TPH2: variants seen among roughly 807,000 people sequenced by gnomAD.
The protein encoded by TPH2 is tryptophan hydroxylase 2, also known as tryptophan 5-hydroxylase 2.
In TPH2, 27 loss-of-function variants were observed where a neutral mutation model predicts 59.1. The observed-to-expected ratio is 0.46, with a 90% CI of 0.34 to 0.63. The LOEUF is 0.63. TPH2 is among the 30% of genes least tolerant of loss of function. The probability of loss-of-function intolerance (pLI) is 0.01; values close to 1 mark genes in which losing one functional copy is unlikely to be tolerated. For missense variants in TPH2, 523 were observed against 588.3 expected (o/e 0.89, Z 1.15); for synonymous variants, 220 against 210.5 (o/e 1.05, Z -0.39).
chr12:71,939,045 T>C lies in TPH2; in HGVS notation c.59T>C (p.Leu20Pro), dbSNP rs1260254880. ...TACTGGGCACGGAGAGGGTTTTCCC[T>C]GGATTCAGCAGTGCCCGAAGAGCAT... is the stretch of plus-strand genomic sequence containing the variant. ...SKYWARRGFS[L>P]DSAVPEEHQL... is the part of the protein sequence containing the mutation. The change falls in exon 1 of 11, where the codon CTG becomes CCG. Residue 20 changes from leucine (L) to proline (P), a missense_variant. By Grantham distance (98) the Leu-to-Pro change is moderately conservative. Transcript: ENST00000333850. 1 of 1,614,150 alleles carries C rather than the reference T, an allele frequency of 6.2e-7. No individual in the cohort carries two copies.
At chr12:71,976,364 G>A (rs1162440140) in intron 6 of TPH2, among the ~76,000 whole-genome samples, 2 of 152,170 alleles carry the variant, frequency 1.3e-5, no homozygotes, top group African/African-American at 4.8e-5. Context: ...ATAGTATGAT[G>A]TAAGTATAGG....
At chr12:71,961,835 C>T (rs1234914793) in intron 5 of TPH2, 3 of 1,170,992 alleles carry the variant, frequency 2.6e-6, no homozygotes, top group Middle Eastern at 7.7e-4. Flanking sequence ...GGAGTTAAAT[C>T]TTTGTTCTCC....
intron 5 of TPH2, among the ~76,000 whole-genome samples, chr12:71,956,353 AG>A (rs1331775627): frequency 6.6e-6 from 1 of 152,138 alleles, no homozygotes; most frequent in Non-Finnish European, 1.5e-5. Context: ...GGGTTCACTG[AG>A]GACCATCTGG....
At chr12:71,944,190 T>C (rs2139178681) in intron 2 of TPH2, 104 bp from the exon 3 acceptor site, 1 of 1,147,672 alleles carries the variant, frequency 8.7e-7, no homozygotes. Flanking sequence ...TCTCTTCCTC[T>C]TGTGTGGGTA....
chr12:72,018,623 C>T (rs996887502), intron 8 of TPH2, among the ~76,000 whole-genome samples: 25 of 152,096 alleles, frequency 1.6e-4, no homozygotes, highest in Admixed American at 1.5e-3. Flanking sequence ...ATTTTGGATG[C>T]TTTTGAATTT....
chr12:71,958,447 C>T (rs1452302932), intron 5 of TPH2, among the ~76,000 whole-genome samples: 4 of 152,230 alleles, frequency 2.6e-5, no homozygotes, highest in African/African-American at 4.8e-5. Flanking sequence ...AAAAGTTATT[C>T]TCCTTACAGA....
At chr12:71,967,416 T>C (rs1303810447) in intron 5 of TPH2, among the ~76,000 whole-genome samples, 1 of 152,224 alleles carries the variant, frequency 6.6e-6, no homozygotes, top group Non-Finnish European at 1.5e-5. Flanking sequence ...GACATCCCCA[T>C]GGTGACCATC....
At chr12:72,004,751 T>C (rs1376448093) in intron 8 of TPH2, among the ~76,000 whole-genome samples, 1 of 152,204 alleles carries the variant, frequency 6.6e-6, no homozygotes, top group African/African-American at 2.4e-5. Context: ...GACTTTTTTA[T>C]GAGCTAGAAT....
rs1172294699 is a variant in TPH2 at position 71,964,626 on chromosome 12, A to G, written c.609-7893A>G. On this transcript the variant is annotated intron_variant, in intron 5 of 10. Coordinates refer to ENST00000333850, the MANE Select transcript of TPH2 (RefSeq NM_173353.4). Reference sequence around the variant, plus strand: ...ATACTATTTCATGAAGGTGGTACCAACTAATATAGTACTAGGTAACACTAT... The same window carrying G: ...ATACTATTTCATGAAGGTGGTACCAGCTAATATAGTACTAGGTAACACTAT... 18 of 985,238 alleles carry G rather than the reference A, an allele frequency of 1.8e-5. No homozygotes were observed. The Admixed American group carries it at 1.1e-3, about 61-fold the overall frequency. The allele number at this position is 985,238 out of a possible 1,614,324, so 61.0% of individuals were successfully genotyped here. A position where few individuals can be genotyped will look rare whatever the true frequency, so the allele number is the denominator to read the frequency against.
chr12:71,946,849 A>T (rs1164849878), intron 4 of TPH2, among the ~76,000 whole-genome samples: 2 of 152,106 alleles, frequency 1.3e-5, no homozygotes, highest in Non-Finnish European at 2.9e-5. Flanking sequence ...GGGCAAACTA[A>T]TCACCTTCGA....
chr12:71,968,356 C>T (rs1017610625), intron 5 of TPH2, among the ~76,000 whole-genome samples: 2 of 152,168 alleles, frequency 1.3e-5, no homozygotes, highest in East Asian at 1.9e-4. Flanking sequence ...AACTGGATGG[C>T]GTGGGACTTT....
intron 8 of TPH2, among the ~76,000 whole-genome samples, chr12:72,013,686 G>C (rs959707783): frequency 6.6e-6 from 1 of 152,154 alleles, no homozygotes; most frequent in African/African-American, 2.4e-5. Context: ...TAGTCTCTCT[G>C]TATCCCTATC....
chr12:72,004,835 A>G (rs911604076), intron 8 of TPH2, among the ~76,000 whole-genome samples: 2 of 152,196 alleles, frequency 1.3e-5, no homozygotes, highest in Non-Finnish European at 2.9e-5. Context: ...CAAATAAAGG[A>G]GTCAAAAGGA....
chr12:71,954,835 T>A (rs1272267674), intron 5 of TPH2, among the ~76,000 whole-genome samples: 1 of 6,088 alleles, frequency 1.6e-4, no homozygotes, highest in Non-Finnish European at 6.1e-4. Context: ...CATATTTAAT[T>A]TTTTTTTTCG....
At chr12:71,978,668 C>A (rs983734131) in intron 6 of TPH2, among the ~76,000 whole-genome samples, 3 of 152,132 alleles carry the variant, frequency 2.0e-5, no homozygotes, top group Admixed American at 6.5e-5. Context: ...GATTTCTTAT[C>A]CTAATTGGGC....
At chr12:71,966,967 AT>A (rs1440899529) in intron 5 of TPH2, among the ~76,000 whole-genome samples, 2 of 152,244 alleles carry the variant, frequency 1.3e-5, no homozygotes, top group African/African-American at 4.8e-5. Flanking sequence ...ATTAAAAAAA[AT>A]GTGTAAGAAA....
chr12:72,018,778 AT>A (rs1443014486), intron 8 of TPH2, among the ~76,000 whole-genome samples: 1 of 152,148 alleles, frequency 6.6e-6, no homozygotes, highest in African/African-American at 2.4e-5. Flanking sequence ...GTTTTCCTCC[AT>A]TTTAGACTTT....
intron 8 of TPH2, among the ~76,000 whole-genome samples, chr12:72,005,614 G>C (rs901757119): frequency 1.3e-5 from 2 of 152,166 alleles, no homozygotes; most frequent in South Asian, 2.1e-4. Context: ...CACTTGTGCT[G>C]TCAGGAAAGT....
intron 8 of TPH2, among the ~76,000 whole-genome samples, chr12:72,002,155 A>T (rs1474033126): frequency 1.3e-5 from 2 of 152,220 alleles, no homozygotes; most frequent in African/African-American, 4.8e-5. Flanking sequence ...AAAACATCAC[A>T]TTGCATCCCA....
Sources: allele counts gnomAD v4.1 joint callset (sites outside exome capture counted in the v4.1 genomes callset), GRCh38; gene constraint gnomAD v4.1.1; transcripts MANE v1.5; gene names NCBI Gene and HGNC (gene_info 2026-07-23, HGNC 2026-07-21).